RNF13: variants seen among roughly 807,000 people sequenced by gnomAD.
RNF13 encodes the protein E3 ubiquitin-protein ligase RNF13.
RNF13 carries 19 observed loss-of-function variants against 37.7 expected under a neutral mutation model. The ratio of observed to expected loss-of-function variants is 0.50; its 90% CI spans 0.35 to 0.74. RNF13 has a LOEUF of 0.74. Among genes scored for constraint, RNF13 ranks in the 30% least tolerant of loss-of-function variants. The pLI, the probability that RNF13 is intolerant of heterozygous loss-of-function variation, is 0.01. For synonymous variants in RNF13, 144 were observed against 157.8 expected, an observed-to-expected ratio of 0.91 and a Z score of 0.65; for missense variants, 375 against 453.0, an observed-to-expected ratio of 0.83 and a Z score of 1.56.
At chr3:149,820,672 G>T (rs56375095) in intron 1 of RNF13, among the ~76,000 whole-genome samples, 1 of 152,014 alleles carries the variant, frequency 6.6e-6, no homozygotes, top group Non-Finnish European at 1.5e-5. Flanking sequence ...AAAAATTCAC[G>T]TAATTAACCA....
At chr3:149,845,887 TTTAATG>T (rs1722596533) in intron 1 of RNF13, 118 bp from the exon 2 acceptor site, 2 of 562,996 alleles carry the variant, frequency 3.6e-6, no homozygotes, top group East Asian at 5.7e-5. Context: ...AAGCTTTACT[TTTAATG>T]TTAATACATG....
At chr3:149,942,603 A>C (rs1049359987) in intron 8 of RNF13, among the ~76,000 whole-genome samples, 7 of 152,086 alleles carry the variant, frequency 4.6e-5, no homozygotes, top group African/African-American at 1.7e-4. Flanking sequence ...AACTTTGCTG[A>C]ATTTGCTAAT....
chr3:149,833,981 A>C (rs1244340201), intron 1 of RNF13, among the ~76,000 whole-genome samples: 1 of 152,212 alleles, frequency 6.6e-6, no homozygotes, highest in Non-Finnish European at 1.5e-5. Flanking sequence ...AGTAACAGCG[A>C]ACTATCCAAA....
intron 1 of RNF13, among the ~76,000 whole-genome samples, chr3:149,817,661 A>G (rs1050224943): frequency 6.6e-6 from 1 of 152,182 alleles, no homozygotes; most frequent in African/African-American, 2.4e-5. Flanking sequence ...GGATTGTGGA[A>G]GAAGACACTC....
intron 6 of RNF13, among the ~76,000 whole-genome samples, chr3:149,908,412 T>A (rs1370163041): frequency 6.6e-6 from 1 of 152,214 alleles, no homozygotes; most frequent in Non-Finnish European, 1.5e-5. Flanking sequence ...AGGGATTCTA[T>A]TTTTTCACAT....
chr3:149,944,834 T>C (rs1458628050), intron 8 of RNF13, among the ~76,000 whole-genome samples: 1 of 152,216 alleles, frequency 6.6e-6, no homozygotes, highest in African/African-American at 2.4e-5. Context: ...TTTGTCAATT[T>C]TGGCTTTTGT....
intron 3 of RNF13, among the ~76,000 whole-genome samples, chr3:149,865,952 C>T (rs948984262): frequency 3.3e-4 from 50 of 152,046 alleles, no homozygotes; most frequent in Non-Finnish European, 6.2e-4. Context: ...ATGGCTACCC[C>T]GTAGACAGAG....
intron 1 of RNF13, among the ~76,000 whole-genome samples, chr3:149,842,337 G>A (rs1043158605): frequency 6.6e-6 from 1 of 152,090 alleles, no homozygotes; most frequent in Non-Finnish European, 1.5e-5. Flanking sequence ...TTCCTTCTAT[G>A]TTTCCTGTTT....
intron 4 of RNF13, among the ~76,000 whole-genome samples, chr3:149,893,617 TG>T (rs1453918283): frequency 6.6e-6 from 1 of 152,210 alleles, no homozygotes; most frequent in Non-Finnish European, 1.5e-5. Context: ...AATAAGTTAA[TG>T]TATGTAACAA....
At chr3:149,938,161 A>G (rs950268088) in intron 8 of RNF13, among the ~76,000 whole-genome samples, 1 of 151,218 alleles carries the variant, frequency 6.6e-6, no homozygotes, top group African/African-American at 2.4e-5. Flanking sequence ...TTATGTATAT[A>G]TATAATTTTT....
intron 7 of RNF13, among the ~76,000 whole-genome samples, chr3:149,913,369 A>G (rs564661891): frequency 3.3e-5 from 5 of 152,184 alleles, no homozygotes; most frequent in Admixed American, 6.6e-5. Flanking sequence ...AATAATGTTA[A>G]GATTTACAGA....
At chr3:149,850,581 A>C in intron 2 of RNF13, among the ~76,000 whole-genome samples, 1 of 152,240 alleles carries the variant, frequency 6.6e-6, no homozygotes, top group Admixed American at 6.5e-5. Context: ...TATAATAGTG[A>C]AACTCTTAAG....
chr3:149,909,543 G>A (rs988924023), intron 6 of RNF13, among the ~76,000 whole-genome samples: 6 of 147,706 alleles, frequency 4.1e-5, no homozygotes, highest in South Asian at 2.1e-4. Context: ...TCCACCCACC[G>A]TGGCCTCCCA....
chr3:149,844,367 G>A (rs1365262253), intron 1 of RNF13, among the ~76,000 whole-genome samples: 3 of 152,170 alleles, frequency 2.0e-5, no homozygotes, highest in Non-Finnish European at 4.4e-5. Context: ...CATGGGATGC[G>A]TCTAATTCCT....
chr3:149,866,196 A>C (rs1184840991), intron 3 of RNF13, among the ~76,000 whole-genome samples: 3 of 152,244 alleles, frequency 2.0e-5, no homozygotes, highest in African/African-American at 7.2e-5. Flanking sequence ...ACAAGTCTGC[A>C]GTGCAAAGTG....
At chr3:149,955,551 T>C (rs1721782500) in intron 8 of RNF13, among the ~76,000 whole-genome samples, 1 of 152,148 alleles carries the variant, frequency 6.6e-6, no homozygotes, top group Admixed American at 6.5e-5. Flanking sequence ...AAAGCTGCTA[T>C]TCATACCAAA....
chr3:149,833,710 G>A (rs1439464119), intron 1 of RNF13, among the ~76,000 whole-genome samples: 1 of 152,158 alleles, frequency 6.6e-6, no homozygotes, highest in Non-Finnish European at 1.5e-5. Flanking sequence ...ACAAGACAAG[G>A]ATTCCTGCCT....
At chr3:149,917,150 T>C (rs959817129) in intron 7 of RNF13, among the ~76,000 whole-genome samples, 4 of 152,166 alleles carry the variant, frequency 2.6e-5, no homozygotes, top group East Asian at 1.9e-4. Context: ...TCTGACACTT[T>C]AGGAAGGGCA....
chr3:149,931,725 C>G (rs1422721727), intron 8 of RNF13, among the ~76,000 whole-genome samples: 1 of 152,150 alleles, frequency 6.6e-6, no homozygotes, highest in African/African-American at 2.4e-5. Context: ...TCTCATCTAG[C>G]TATTTGAAAT....
Sources: gnomAD v4.1 joint callset for allele counts (sites outside exome capture counted in the v4.1 genomes callset) on GRCh38, gnomAD v4.1.1 for gene constraint, MANE v1.5 for transcripts, NCBI Gene and HGNC (gene_info 2026-07-23, HGNC 2026-07-21) for gene names.